Variants in CYP27C1 observed in about 807,000 individuals in gnomAD.
CYP27C1 encodes the protein cytochrome P450 27C1.
A neutral mutation model predicts 40.6 loss-of-function variants in CYP27C1; 29 were observed. That is an observed-to-expected ratio of 0.71 (90% CI 0.53 to 0.97). The LOEUF is 0.97. Ranked by LOEUF, CYP27C1 falls within the 50% of genes least tolerant of loss-of-function variation. The pLI, the probability that CYP27C1 is intolerant of heterozygous loss-of-function variation, is 0.00. For synonymous variants in CYP27C1, 198 were observed against 186.8 expected, an observed-to-expected ratio of 1.06 and a Z score of -0.49; for missense variants, 390 against 485.8, an observed-to-expected ratio of 0.80 and a Z score of 1.85.
intron 8 of CYP27C1, among the ~76,000 whole-genome samples, chr2:127,190,261 T>TAA (rs375319313): frequency 0.094 from 13,983 of 148,266 alleles, 777 homozygotes; most frequent in Middle Eastern, 0.14. Context: ...TTTTCTTGAT[T>TAA]AAAAAAAAAT....
In CYP27C1 at chr2:127,217,927, T is replaced by A. The variant is rs113367949; in HGVS notation, c.282+2062A>T. On this transcript the variant is annotated intron_variant, in intron 1 of 8. Coordinates refer to ENST00000664447, the MANE Select transcript of CYP27C1 (RefSeq NM_001367502.1). Reference sequence around the variant, plus strand: ...CAGAGGGGCTGCAGGAAGGTGAGAGTCCCCACAAGTACCATATTTGAGGGT... The same window carrying A: ...CAGAGGGGCTGCAGGAAGGTGAGAGACCCCACAAGTACCATATTTGAGGGT... Among the ~76,000 whole-genome samples, 1,353 of 151,840 alleles carry A rather than the reference T, an allele frequency of 8.9e-3. 24 individuals are homozygous for A. The highest frequency in any genetic ancestry group is 0.031 in the African/African-American group (1,278 of 41,358).
Position 127,187,311 on chromosome 2 carries a change from G to A in CYP27C1, c.1574C>T (p.Pro525Leu). Residue 525 changes from proline (P) to leucine (L), a missense_variant, in exon 9 of 9, where the codon CCA (proline) becomes CTA (leucine). Coordinates refer to ENST00000664447, the MANE Select transcript of CYP27C1 (RefSeq NM_001367502.1). The stretch of plus-strand genomic sequence containing the variant: ...AAATCGCACGTGGATGGGCCCCCCT[G>A]GCGTCAGGAGCCCGTGGGTTTTTGC... Reference protein sequence around the residue: ...VHAKTHGLLTPGGPIHVRFVN... With the variant: ...VHAKTHGLLTLGGPIHVRFVN... The A allele has an allele frequency of 6.2e-7, 1 of 1,614,176 alleles. No individual in the cohort carries two copies. Among genetic ancestry groups the A allele is most frequent in the South Asian group, 1.1e-5 (1 of 91,076 alleles).
At chr2:127,203,351 C>T (rs1683085913) in intron 3 of CYP27C1, 21 bp downstream of exon 3, 1 of 1,608,286 alleles carries the variant, frequency 6.2e-7, no homozygotes, top group Non-Finnish European at 8.5e-7. Context: ...CCCTCCTTCC[C>T]ACCTGCTGAT....
At chr2:127,203,830 T>C (rs754994611) in intron 2 of CYP27C1, among the ~76,000 whole-genome samples, 8 of 152,106 alleles carry the variant, frequency 5.3e-5, no homozygotes, top group Non-Finnish European at 1.0e-4. Flanking sequence ...TAATAATCTT[T>C]AGTAAAAGTA....
At chr2:127,191,951 C>G (rs937689101) in intron 8 of CYP27C1, among the ~76,000 whole-genome samples, 2 of 152,198 alleles carry the variant, frequency 1.3e-5, no homozygotes, top group Non-Finnish European at 2.9e-5. Flanking sequence ...CCCCACACCT[C>G]GTTCTGTGCC....
rs1683504879 is a variant in CYP27C1, at chr2:127,219,465, C to T, written c.282+524G>A. The stretch of plus-strand genomic sequence containing the variant: ...CCCTGCCTGGGTCCCTCCCCGGGAC[C>T]AGTCCCTGGAGACCCTGCCCGCCGC... On this transcript the variant is annotated intron_variant, in intron 1 of 8. Coordinates refer to ENST00000664447, the MANE Select transcript of CYP27C1 (RefSeq NM_001367502.1). This position sits in a 1 kb window ranked among gnomAD's most constrained non-coding sequence, Gnocchi z 8.7. Among the ~76,000 whole-genome samples, 1 of 152,022 alleles carries T rather than the reference C, an allele frequency of 6.6e-6. No homozygotes were observed. The highest frequency in any genetic ancestry group is 1.5e-5 in the Non-Finnish European group (1 of 67,968).
chr2:127,190,753 C>T (rs1558925058), intron 8 of CYP27C1, among the ~76,000 whole-genome samples: 1 of 149,952 alleles, frequency 6.7e-6, no homozygotes, highest in Non-Finnish European at 1.5e-5. Context: ...CGAGACCACC[C>T]TGGCCAGCAT....
intron 2 of CYP27C1, among the ~76,000 whole-genome samples, chr2:127,203,884 G>C (rs1428726485): frequency 2.0e-5 from 3 of 151,814 alleles, no homozygotes; most frequent in African/African-American, 7.3e-5. Flanking sequence ...TTGTAATAAA[G>C]AAATGAGATT....
chr2:127,190,718 G>A (rs1345885890), intron 8 of CYP27C1, among the ~76,000 whole-genome samples: 15 of 137,338 alleles, frequency 1.1e-4, no homozygotes, highest in Non-Finnish European at 1.7e-4. Context: ...AGGCCGAGGC[G>A]ATGGATCACT....
chr2:127,203,438 TC>T lies in CYP27C1; in HGVS notation c.606del (p.Ser203AlafsTer9). The T allele has an allele frequency of 6.2e-7, 1 of 1,614,056 alleles. No individual in the cohort carries two copies. The highest frequency in any genetic ancestry group is 8.5e-7 in the Non-Finnish European group (1 of 1,180,024). ...ADLIKRIYLL[R>X]SQAEDGETVT... ...ACGGTTTCTCCATCTTCTGCCTGGC[TC>T]CTGAGGAGGTAGATTCTTTTAATTA... is the stretch of plus-strand genomic sequence containing the variant. On this transcript the variant is annotated frameshift_variant, in exon 3 of 9. Coordinates refer to ENST00000664447, the MANE Select transcript of CYP27C1 (RefSeq NM_001367502.1). LOFTEE classifies it high-confidence loss of function.
In CYP27C1 at chr2:127,202,993, A is replaced by C. The variant is rs78787658; in HGVS notation, c.673+379T>G. ...ACCAGCCTTGCCAACATGGTGAAAC[A>C]CTGTCTCTACTAAAAATACAAAAAA... On this transcript the variant is annotated intron_variant, in intron 3 of 8. Transcript: ENST00000664447. Among the ~76,000 whole-genome samples, 1,031 of 152,044 alleles carry C rather than the reference A, an allele frequency of 6.8e-3. 12 individuals carry two copies. The highest frequency in any genetic ancestry group is 0.023 in the African/African-American group (944 of 41,474).
At chr2:127,211,931 A>G (rs1215878398) in intron 1 of CYP27C1, among the ~76,000 whole-genome samples, 2 of 152,054 alleles carry the variant, frequency 1.3e-5, no homozygotes, top group Non-Finnish European at 2.9e-5. Flanking sequence ...ATTAACTAAT[A>G]AAGAAGGAGA....
chr2:127,207,537 G>A (rs1683252284), intron 1 of CYP27C1, among the ~76,000 whole-genome samples: 2 of 152,116 alleles, frequency 1.3e-5, no homozygotes, highest in African/African-American at 4.8e-5. Flanking sequence ...AGGCATGGCA[G>A]TGTGAGCCTG....
chr2:127,190,331 C>CT (rs11400543), intron 8 of CYP27C1, among the ~76,000 whole-genome samples: 51,632 of 119,726 alleles, frequency 0.43, 11,336 homozygotes, highest in East Asian at 0.58. Flanking sequence ...TGTGGCTTCT[C>CT]TTTTTTTTTT....
rs199549525 is a variant in CYP27C1 at position 127,203,477 on chromosome 2, C to T, written c.568G>A (p.Val190Ile). Residue 190 changes from valine (V) to isoleucine (I), a missense_variant, in exon 3 of 9, where the codon GTT becomes ATT. Coordinates refer to ENST00000664447, the MANE Select transcript of CYP27C1 (RefSeq NM_001367502.1). ...VAIYSGEVNQ[V>I]IADLIKRIYL... ...ATTCTTTTAATTAAGTCAGCAATAA[C>T]TTGGTTGACTTCTCCAGAATAAATG... is the stretch of plus-strand genomic sequence containing the variant. 6.2e-6 allele frequency: 10 copies of T among 1,613,936 alleles called. No individual in the cohort carries two copies. In the South Asian group the frequency reaches 1.1e-4, roughly 18 times the overall value.
chr2:127,215,720 A>G (rs1573908707), intron 1 of CYP27C1, among the ~76,000 whole-genome samples: 2 of 152,154 alleles, frequency 1.3e-5, no homozygotes, highest in Admixed American at 1.3e-4. Context: ...TGTAAAAATA[A>G]AAAGCAAAAA....
At position 127,195,496 on chromosome 2, in the gene CYP27C1, G is replaced by A; in HGVS notation, c.1053C>T (p.Ser351=). 1.2e-6 allele frequency: 2 copies of A among 1,613,764 alleles called. No homozygotes were observed. The highest frequency in any genetic ancestry group is 1.7e-6 in the Non-Finnish European group (2 of 1,179,838). The change falls in exon 6 of 9, where the codon TCC becomes TCT. Residue 351 remains serine (S), a synonymous_variant. Coordinates refer to ENST00000664447, the MANE Select transcript of CYP27C1 (RefSeq NM_001367502.1). This position sits in a 1 kb window ranked among gnomAD's most constrained non-coding sequence, Gnocchi z 6.2. The stretch of plus-strand genomic sequence containing the variant: ...GGTACACAGTCCAAGACAAGGTGAA[G>A]GACGTCTAAGGAGAGAAAGTGGCAG... ...EMLLAGVDTT[S]FTLSWTVYLL...
intron 1 of CYP27C1, among the ~76,000 whole-genome samples, chr2:127,207,733 T>C (rs1319142747): frequency 6.6e-6 from 1 of 152,092 alleles, no homozygotes; most frequent in Non-Finnish European, 1.5e-5. Context: ...ACCTATACTC[T>C]GAAAACTATA....
At chr2:127,193,374 C>A (rs1573892505) in intron 7 of CYP27C1, 77 bp from the exon 8 acceptor site, 1 of 1,572,956 alleles carries the variant, frequency 6.4e-7, no homozygotes, top group Non-Finnish European at 8.7e-7. Context: ...AGAGCCCTAG[C>A]CGGACAGTCT....
Sources: gnomAD v4.1 joint callset for allele counts (sites outside exome capture counted in the v4.1 genomes callset) on GRCh38, gnomAD v4.1.1 for gene constraint, Gnocchi (gnomAD v3.1) non-coding constraint, MANE v1.5 for transcripts, NCBI Gene and HGNC (gene_info 2026-07-23, HGNC 2026-07-21) for gene names.